IPO9: variants seen among roughly 807,000 people sequenced by gnomAD.
IPO9 encodes the protein importin-9.
In IPO9, 28 loss-of-function variants were observed where a neutral mutation model predicts 128.6. The ratio of observed to expected loss-of-function variants is 0.22; its 90% CI spans 0.16 to 0.30. The LOEUF is 0.30. IPO9 is among the 10% of genes least tolerant of loss of function. The probability of loss-of-function intolerance (pLI) is 1.00; values close to 1 mark genes in which losing one functional copy is unlikely to be tolerated. For missense variants in IPO9, 935 were observed against 1,293.9 expected, an observed-to-expected ratio of 0.72 and a Z score of 4.26; for synonymous variants, 455 against 475.8, an observed-to-expected ratio of 0.96 and a Z score of 0.57.
At chr1:201,860,997 C>G (rs577390857) in intron 13 of IPO9, among the ~76,000 whole-genome samples, 1 of 152,238 alleles carries the variant, frequency 6.6e-6, no homozygotes, top group South Asian at 2.1e-4. Context: ...CTAACCCCAT[C>G]TCTACTAAAA....
intron 1 of IPO9, among the ~76,000 whole-genome samples, chr1:201,844,726 T>C (rs1438554997): frequency 1.3e-5 from 2 of 152,214 alleles, no homozygotes; most frequent in Non-Finnish European, 2.9e-5. Context: ...ACCTGGTTAC[T>C]TGGATAAGCC....
chr1:201,847,796 G>C (rs1680147963), intron 3 of IPO9, among the ~76,000 whole-genome samples, 158 bp downstream of exon 3: 1 of 152,138 alleles, frequency 6.6e-6, no homozygotes, highest in Admixed American at 6.6e-5. Context: ...ACATTAAAGA[G>C]CTCAAGTATC....
rs539619107 is a variant in IPO9, at chr1:201,870,443, G to A, written c.2134-140G>A. 2.3e-5 allele frequency: 20 copies of A among 863,608 alleles called. 1 individual carries two copies. The South Asian group carries it at 3.6e-4, about 16-fold the overall frequency. 53.5% of individuals were successfully genotyped at this position (863,608 alleles called of 1,614,324 possible). The stretch of plus-strand genomic sequence containing the variant: ...AACAGTAAATGTCTTAACTCCAGTG[G>A]TATGAGCCCACCACAAACATTATAG... On this transcript the variant is annotated intron_variant, in intron 17 of 23. Transcript: ENST00000361565. The surrounding 1 kb of genome is among the most constrained non-coding windows in gnomAD (Gnocchi z 4.9).
At chr1:201,838,027 G>C (rs1276257182) in intron 1 of IPO9, among the ~76,000 whole-genome samples, 1 of 152,142 alleles carries the variant, frequency 6.6e-6, no homozygotes, top group Admixed American at 6.5e-5. Context: ...CTGAGATTGC[G>C]CCATTGCACT....
intron 19 of IPO9, among the ~76,000 whole-genome samples, 159 bp downstream of exon 19, chr1:201,871,486 A>G (rs1680652581): frequency 6.9e-6 from 1 of 144,114 alleles, no homozygotes; most frequent in African/African-American, 2.6e-5. Flanking sequence ...TCCTAGGTTC[A>G]AGCAATTCTC....
Position 201,876,885 on chromosome 1 carries a change from T to TTTCC in IPO9, c.*831_*832insTTCC. The TTTCC allele has an allele frequency of 6.5e-6, 1 of 152,744 alleles. No homozygotes were observed. The highest frequency in any genetic ancestry group is 1.5e-5 in the Non-Finnish European group (1 of 68,046). 9.5% of individuals were successfully genotyped at this position (152,744 alleles called of 1,614,324 possible). On this transcript the variant is annotated 3_prime_UTR_variant, in exon 24 of 24. Coordinates refer to ENST00000361565, the MANE Select transcript of IPO9 (RefSeq NM_018085.5). ...GTTATCCCCTTTCCCTCAGGAAGCCTCTAAAGTGCTTAAGTTGTAGCCCTC... is the reference window on the plus strand; with the variant it reads ...GTTATCCCCTTTCCCTCAGGAAGCCTTTCCCTAAAGTGCTTAAGTTGTAGCCCTC...
At position 201,863,605 on chromosome 1, in the gene IPO9, G is replaced by C. The variant is rs1425117141; in HGVS notation, c.1626G>C (p.Trp542Cys). ...SVRISAVRAI[W>C]GYCDQLKVSE... Reference sequence around the variant, plus strand: ...GAATTTCTGCAGTGAGAGCCATCTGGGGGTGAGTATGCTACCCTAGCGTGA... The same window carrying C: ...GAATTTCTGCAGTGAGAGCCATCTGCGGGTGAGTATGCTACCCTAGCGTGA... The change falls in exon 14 of 24, where the codon TGG becomes TGC. Residue 542 changes from tryptophan to cysteine, a missense_variant and splice_region_variant. Physicochemically the swap from Trp to Cys is radical, Grantham distance 215. Transcript: ENST00000361565. 1 of 1,584,486 alleles carries C rather than the reference G, an allele frequency of 6.3e-7. No individual in the cohort carries two copies. Among genetic ancestry groups the C allele is most frequent in the Non-Finnish European group, 8.6e-7 (1 of 1,156,182 alleles).
chr1:201,832,870 A>C (rs1020021718), intron 1 of IPO9, among the ~76,000 whole-genome samples: 1 of 152,242 alleles, frequency 6.6e-6, no homozygotes, highest in African/African-American at 2.4e-5. Flanking sequence ...AAATGGAAGA[A>C]TATCTAATTT....
intron 2 of IPO9, 94 bp from the exon 3 acceptor site, chr1:201,847,458 A>T: frequency 7.4e-7 from 1 of 1,352,546 alleles, no homozygotes; most frequent in Non-Finnish European, 1.1e-6. Context: ...TGCCAGATTT[A>T]GATATACTTC....
chr1:201,872,855 G>T lies in IPO9; in HGVS notation c.2604G>T (p.Gln868His). ...CTGTGGCACTCTGTAAGCTGCTCCAGCATGGCATCAATGCAGATGACAAAC... is the reference window on the plus strand; with the variant it reads ...CTGTGGCACTCTGTAAGCTGCTCCATCATGGCATCAATGCAGATGACAAAC... The part of the protein sequence containing the change: ...VSSVALCKLL[Q>H]HGINADDKRL... Residue 868 changes from glutamine to histidine, a missense_variant, in exon 20 of 24, where the codon CAG (glutamine) becomes CAT (histidine). Around this residue, in one of 3 missense-constraint regions of IPO9, gnomAD observed 188 missense variants for 246.7 expected, o/e 0.76. Transcript: ENST00000361565. The T allele has an allele frequency of 6.2e-7, 1 of 1,613,724 alleles. No individual in the cohort carries two copies. Among genetic ancestry groups the T allele is most frequent in the Admixed American group, 1.7e-5 (1 of 59,942 alleles).
rs576732212 is a variant in IPO9 at position 201,843,334 on chromosome 1, A to G, written c.164-3945A>G. ...TTGCCTAGGAATCATTCCTGCTTCC[A>G]GCACATGTAGTTGCAGCCCTGGTCC... On this transcript the variant is annotated intron_variant, in intron 1 of 23. Coordinates refer to ENST00000361565, the MANE Select transcript of IPO9 (RefSeq NM_018085.5). 1.4e-4 allele frequency among the ~76,000 whole-genome samples: 21 copies of G among 152,356 alleles called. No individual in the cohort carries two copies. In the South Asian group the frequency reaches 4.3e-3, roughly 32 times the overall value.
chr1:201,831,719 A>G (rs980627037), intron 1 of IPO9, among the ~76,000 whole-genome samples: 1 of 152,166 alleles, frequency 6.6e-6, no homozygotes, highest in Non-Finnish European at 1.5e-5. Context: ...TTTACATGAA[A>G]ACATAGAACC....
rs1418671605 is a variant in IPO9 at position 201,869,656 on chromosome 1, T to G, written c.2071T>G (p.Cys691Gly). Residue 691 changes from cysteine to glycine, a missense_variant, in exon 17 of 24, where the codon TGC becomes GGC. Cys to Gly is a radical substitution (Grantham distance 159). Around this residue, in one of 3 missense-constraint regions of IPO9, gnomAD observed 741 missense variants for 1,019.1 expected, o/e 0.73. Coordinates refer to ENST00000361565, the MANE Select transcript of IPO9 (RefSeq NM_018085.5). ...TKPPLSQLLI[C>G]QAFPAVAQCT... ...GCCTCCCCTTTCCCAGCTTCTCATC[T>G]GCCAAGCTTTCCCTGCTGTGGCACA... 1.9e-6 allele frequency: 3 copies of G among 1,614,232 alleles called. No individual in the cohort carries two copies. The highest frequency in any genetic ancestry group is 2.5e-6 in the Non-Finnish European group (3 of 1,180,036).
chr1:201,873,703 C>T (rs1038006536), intron 20 of IPO9, among the ~76,000 whole-genome samples: 10 of 151,950 alleles, frequency 6.6e-5, no homozygotes, highest in South Asian at 2.1e-4. Flanking sequence ...GCCAAGATCA[C>T]GCCATTGCAC....
intron 19 of IPO9, among the ~76,000 whole-genome samples, chr1:201,871,536 C>T (rs1040088573): frequency 5.9e-5 from 9 of 151,932 alleles, no homozygotes; most frequent in African/African-American, 2.2e-4. Context: ...CACACATGCA[C>T]CACCATACCC....
At chr1:201,836,176 AAC>A (rs916559745) in intron 1 of IPO9, among the ~76,000 whole-genome samples, 2 of 150,088 alleles carry the variant, frequency 1.3e-5, no homozygotes, top group African/African-American at 2.4e-5. Flanking sequence ...GAAGTCCCCC[AAC>A]ACACACACAC....
chr1:201,869,289 A>G (rs745529595), intron 16 of IPO9, among the ~76,000 whole-genome samples: 2 of 152,126 alleles, frequency 1.3e-5, no homozygotes, highest in Non-Finnish European at 2.9e-5. Flanking sequence ...CTTGTTCCAG[A>G]GGTACCCTCA....
chr1:201,873,718 G>A (rs1367987022), intron 20 of IPO9, among the ~76,000 whole-genome samples: 1 of 152,072 alleles, frequency 6.6e-6, no homozygotes, highest in African/African-American at 2.4e-5. Context: ...TTGCACTCCA[G>A]CCTGGGCAAT....
intron 1 of IPO9, among the ~76,000 whole-genome samples, chr1:201,840,894 G>A (rs1301537654): frequency 2.0e-5 from 3 of 152,130 alleles, no homozygotes; most frequent in African/African-American, 4.8e-5. Flanking sequence ...ACTGATTTTG[G>A]TTACCTGCCT....
Sources: allele counts gnomAD v4.1 joint callset (sites outside exome capture counted in the v4.1 genomes callset), GRCh38; gene constraint gnomAD v4.1.1; regional missense constraint gnomAD v4.1.1; non-coding constraint Gnocchi (gnomAD v3.1); transcripts MANE v1.5; gene names NCBI Gene and HGNC (gene_info 2026-07-23, HGNC 2026-07-21).